Variants in ZEB2 observed in about 807,000 individuals in gnomAD.
ZEB2 encodes zinc finger E-box binding homeobox 2, also known as zinc finger E-box-binding homeobox 2.
Under a neutral mutation model 99.9 loss-of-function variants are expected in ZEB2, and 6 were observed. The ratio of observed to expected loss-of-function variants is 0.06; its 90% CI spans 0.03 to 0.12. The LOEUF is 0.12. Ranked by LOEUF, ZEB2 falls within the 10% of genes least tolerant of loss-of-function variation. ZEB2 has a pLI of 1.00. For missense variants in ZEB2, 969 were observed against 1,502.8 expected, an observed-to-expected ratio of 0.64 and a Z score of 5.87; for synonymous variants, 517 against 542.5, an observed-to-expected ratio of 0.95 and a Z score of 0.65.
chr2:144,503,874 C>A (rs1352827432), intron 2 of ZEB2: 1 of 151,836 alleles, frequency 6.6e-6, no homozygotes, highest in East Asian at 1.9e-4. Context: ...AACTTGCAAA[C>A]CCATGTCATT....
intron 9 of ZEB2, among the ~76,000 whole-genome samples, chr2:144,392,401 C>T (rs963280195): frequency 3.9e-5 from 6 of 152,342 alleles, no homozygotes; most frequent in Middle Eastern, 3.4e-3. Context: ...AGCAATGCTT[C>T]GGGCATGCCC....
At chr2:144,500,492 T>C (rs921353106) in intron 2 of ZEB2, among the ~76,000 whole-genome samples, 19 of 152,232 alleles carry the variant, frequency 1.2e-4, no homozygotes, top group African/African-American at 4.1e-4. Context: ...CACTCACTGA[T>C]TGCTGCGGCG....
At chr2:144,467,310 C>A (rs1261555613) in intron 2 of ZEB2, among the ~76,000 whole-genome samples, 2 of 152,070 alleles carry the variant, frequency 1.3e-5, no homozygotes, top group Non-Finnish European at 2.9e-5. Flanking sequence ...ACTCTCTGAA[C>A]TGCTCAAATC....
intron 2 of ZEB2, among the ~76,000 whole-genome samples, chr2:144,498,933 T>C (rs1704829587): frequency 6.6e-6 from 1 of 152,176 alleles, no homozygotes; most frequent in Admixed American, 6.5e-5. Flanking sequence ...TGAATAAAGA[T>C]GACACTCCCA....
chr2:144,503,045 T>G (rs1182766652), intron 2 of ZEB2, among the ~76,000 whole-genome samples: 4 of 152,214 alleles, frequency 2.6e-5, no homozygotes, highest in Admixed American at 2.0e-4. Flanking sequence ...ATAATGACTT[T>G]CAACCAATGA....
At chr2:144,427,542 T>A (rs1412389971) in intron 3 of ZEB2, 1 of 152,212 alleles carries the variant, frequency 6.6e-6, no homozygotes, top group Non-Finnish European at 1.5e-5. Flanking sequence ...ATATTGTGTG[T>A]TTTGAACAAT....
chr2:144,453,754 C>G (rs1051653738), intron 2 of ZEB2, among the ~76,000 whole-genome samples: 2 of 152,108 alleles, frequency 1.3e-5, no homozygotes, highest in African/African-American at 4.8e-5. Context: ...GTGTGGAACT[C>G]TAAGTTGACA....
chr2:144,431,761 G>A (rs1259658848), intron 2 of ZEB2, among the ~76,000 whole-genome samples: 3 of 145,890 alleles, frequency 2.1e-5, no homozygotes, highest in Non-Finnish European at 4.5e-5. Context: ...TTTTTTCCTG[G>A]TGACTGAGAT....
At position 144,398,307 on chromosome 2, in the gene ZEB2, T is replaced by C; in HGVS notation, c.2880A>G (p.Gly960=). The change falls in exon 8 of 10, where the codon GGA becomes GGG. Residue 960 remains glycine (G), a synonymous_variant. Transcript: ENST00000627532. The stretch of plus-strand genomic sequence containing the variant: ...AAAACATTTGTCTCTTTACCTGAAA[T>C]CCTTGTTTCCGCTGGTACTTTCTCC... The part of the protein sequence containing the change: ...QQRRKYQRKQ[G]FQGELLDGAQ... The C allele has an allele frequency of 6.2e-7, 1 of 1,613,728 alleles. No homozygotes were observed. The highest frequency in any genetic ancestry group is 8.5e-7 in the Non-Finnish European group (1 of 1,179,910).
intron 2 of ZEB2, among the ~76,000 whole-genome samples, chr2:144,452,676 G>A (rs1278095369): frequency 6.6e-6 from 1 of 152,114 alleles, no homozygotes; most frequent in East Asian, 1.9e-4. Flanking sequence ...CAGTTCCGTC[G>A]CCAACCTGAT....
At chr2:144,411,199 T>C (rs558662885) in intron 4 of ZEB2, among the ~76,000 whole-genome samples, 56 of 150,744 alleles carry the variant, frequency 3.7e-4, no homozygotes, top group African/African-American at 1.1e-3. Context: ...GTATTTATCA[T>C]ATAATCTGGC....
intron 2 of ZEB2, chr2:144,431,172 A>G (rs759329361): frequency 2.6e-5 from 4 of 152,206 alleles, no homozygotes; most frequent in African/African-American, 9.7e-5. Context: ...TAATAAAGCA[A>G]TCCTCCGCTA....
chr2:144,488,248 A>G (rs13398550), intron 2 of ZEB2, among the ~76,000 whole-genome samples: 7,455 of 152,330 alleles, frequency 0.049, 242 homozygotes, highest in Non-Finnish European at 0.071. Flanking sequence ...TGAACACTCA[A>G]TAAGACCCTA....
intron 2 of ZEB2, among the ~76,000 whole-genome samples, chr2:144,506,998 A>G (rs1185089166): frequency 2.0e-5 from 3 of 152,132 alleles, no homozygotes; most frequent in Non-Finnish European, 2.9e-5. Context: ...TACCTCTCTC[A>G]CCTGAGATTA....
chr2:144,420,939 G>T (rs1573736449), intron 4 of ZEB2, among the ~76,000 whole-genome samples: 1 of 152,274 alleles, frequency 6.6e-6, no homozygotes, highest in East Asian at 1.9e-4. Flanking sequence ...AGGATTCTAA[G>T]AAGGGAATTT....
At chr2:144,459,487 T>C (rs1704163689) in intron 2 of ZEB2, among the ~76,000 whole-genome samples, 1 of 152,192 alleles carries the variant, frequency 6.6e-6, no homozygotes, top group Non-Finnish European at 1.5e-5. Flanking sequence ...TGTAATGATA[T>C]ACTTGTAAAG....
intron 6 of ZEB2, among the ~76,000 whole-genome samples, chr2:144,401,609 T>C (rs1703311695): frequency 6.6e-6 from 1 of 152,244 alleles, no homozygotes; most frequent in Admixed American, 6.5e-5. Context: ...TGTAAAGATA[T>C]TTGTTGTTTT....
chr2:144,407,107 T>C (rs1703398147), intron 4 of ZEB2, among the ~76,000 whole-genome samples: 1 of 152,122 alleles, frequency 6.6e-6, no homozygotes, highest in Non-Finnish European at 1.5e-5. Flanking sequence ...TATAAACAAA[T>C]ATATGGGACC....
Position 144,513,120 on chromosome 2 carries a change from G to C in ZEB2, c.73+4158C>G, listed in dbSNP as rs754490450. On this transcript the variant is annotated intron_variant, in intron 2 of 9. Transcript: ENST00000627532. ...GAGCTAGGAGGCACCTCCTGGAGAAGGGGTTGACTGCATTTTCTTTCCTTT... is the reference window on the plus strand; with the variant it reads ...GAGCTAGGAGGCACCTCCTGGAGAACGGGTTGACTGCATTTTCTTTCCTTT... The C allele has an allele frequency of 8.6e-6, 11 of 1,285,846 alleles. No individual in the cohort carries two copies. The South Asian group carries it at 1.4e-4, about 16-fold the overall frequency. The allele number at this position is 1,285,846 out of a possible 1,614,324, so 79.7% of individuals were successfully genotyped here. A position where few individuals can be genotyped will look rare whatever the true frequency, so the allele number is the denominator to read the frequency against.
Sources: gnomAD v4.1 joint callset for allele counts (sites outside exome capture counted in the v4.1 genomes callset) on GRCh38, gnomAD v4.1.1 for gene constraint, MANE v1.5 for transcripts, NCBI Gene and HGNC (gene_info 2026-07-23, HGNC 2026-07-21) for gene names.